RGS7: variants seen among roughly 807,000 people sequenced by gnomAD.
RGS7 encodes regulator of G-protein signaling 7.
RGS7 carries 27 observed loss-of-function variants against 81.1 expected under a neutral mutation model. The ratio of observed to expected loss-of-function variants is 0.33; its 90% confidence interval spans 0.25 to 0.46. The LOEUF (loss-of-function observed/expected upper bound fraction) is 0.46, where lower values mean the gene tolerates loss of function less well. RGS7 is among the 20% of genes least tolerant of loss of function. The pLI is 1.00. For missense variants in RGS7, 396 were observed against 607.4 expected (o/e 0.65, Z 3.66); for synonymous variants, 208 against 207.7 (o/e 1.00, Z -0.01).
intron 9 of RGS7, among the ~76,000 whole-genome samples, chr1:240,839,368 C>A (rs1489640811): frequency 6.6e-6 from 1 of 152,106 alleles, no homozygotes; most frequent in Non-Finnish European, 1.5e-5. Flanking sequence ...ACAGCTACTT[C>A]GGTTAAGACT....
chr1:241,184,896 C>T (rs1295086032), intron 2 of RGS7, among the ~76,000 whole-genome samples: 2 of 152,152 alleles, frequency 1.3e-5, no homozygotes, highest in Admixed American at 1.3e-4. Flanking sequence ...AATTAATCTA[C>T]TGAGGAAAAC....
chr1:241,350,015 G>T (rs913117371), intron 2 of RGS7, among the ~76,000 whole-genome samples: 2 of 152,086 alleles, frequency 1.3e-5, no homozygotes, highest in Non-Finnish European at 2.9e-5. Flanking sequence ...TGATCAATTA[G>T]ATTCAGGGAG....
At chr1:240,951,108 T>TG (rs1378363524) in intron 4 of RGS7, among the ~76,000 whole-genome samples, 4 of 152,090 alleles carry the variant, frequency 2.6e-5, no homozygotes, top group Admixed American at 6.6e-5. Context: ...TTTGCGGAGA[T>TG]GGGGTCTCAC....
intron 2 of RGS7, among the ~76,000 whole-genome samples, chr1:241,204,605 G>A (rs2073754469): frequency 6.6e-6 from 1 of 152,040 alleles, no homozygotes; most frequent in African/African-American, 2.4e-5. Context: ...ATTAAACTTA[G>A]AGAGTTCTCC....
intron 3 of RGS7, among the ~76,000 whole-genome samples, chr1:241,073,188 C>G (rs1219883911): frequency 6.6e-6 from 1 of 152,210 alleles, no homozygotes; most frequent in East Asian, 1.9e-4. Context: ...AAAAACCCCA[C>G]ATCTTTCATT....
At chr1:240,820,733 C>A (rs1691632499) in intron 10 of RGS7, among the ~76,000 whole-genome samples, 1 of 152,184 alleles carries the variant, frequency 6.6e-6, no homozygotes, top group Non-Finnish European at 1.5e-5. Context: ...GATATTAAAT[C>A]TGCTGGTGCC....
intron 2 of RGS7, among the ~76,000 whole-genome samples, chr1:241,161,424 TTAA>T (rs949821496): frequency 2.0e-4 from 30 of 150,926 alleles, no homozygotes; most frequent in Admixed American, 7.9e-4. Context: ...TAATAACACA[TTAA>T]TAATAATAAC....
intron 3 of RGS7, among the ~76,000 whole-genome samples, chr1:241,064,711 A>AT (rs957654027): frequency 4.6e-5 from 7 of 151,966 alleles, no homozygotes; most frequent in Non-Finnish European, 1.0e-4. Context: ...GTCGGGCAAC[A>AT]TAAGACCTCA....
intron 4 of RGS7, among the ~76,000 whole-genome samples, chr1:240,942,654 C>CA (rs1352579948): frequency 6.6e-6 from 1 of 151,872 alleles, no homozygotes; most frequent in Non-Finnish European, 1.5e-5. Flanking sequence ...ATTAAGGAAA[C>CA]AGAGATGCTA....
chr1:241,272,288 C>T (rs1054103774), intron 2 of RGS7, among the ~76,000 whole-genome samples: 9 of 152,042 alleles, frequency 5.9e-5, no homozygotes, highest in East Asian at 1.9e-4. Flanking sequence ...CCACTGTGCC[C>T]GGCCTGACTA....
intron 2 of RGS7, among the ~76,000 whole-genome samples, chr1:241,316,261 GT>G (rs1160704945): frequency 6.6e-6 from 1 of 152,198 alleles, no homozygotes; most frequent in Non-Finnish European, 1.5e-5. Flanking sequence ...GGTTTTGGGG[GT>G]TTGGGGAGAG....
intron 2 of RGS7, among the ~76,000 whole-genome samples, chr1:241,291,899 C>T (rs998769053): frequency 2.0e-5 from 3 of 152,154 alleles, no homozygotes; most frequent in South Asian, 2.1e-4. Flanking sequence ...TTAACCAAAG[C>T]ACTAGGAGCT....
At chr1:241,237,258 T>C (rs1181455284) in intron 2 of RGS7, among the ~76,000 whole-genome samples, 1 of 152,218 alleles carries the variant, frequency 6.6e-6, no homozygotes, top group Non-Finnish European at 1.5e-5. Flanking sequence ...AATTCAAAAC[T>C]AATTTGTTTT....
chr1:241,280,940 A>G (rs1312134371), intron 2 of RGS7, among the ~76,000 whole-genome samples: 1 of 152,210 alleles, frequency 6.6e-6, no homozygotes, highest in African/African-American at 2.4e-5. Flanking sequence ...AAGGTTTTTA[A>G]CTATTCAGGT....
At chr1:241,229,593 G>T (rs1212757078) in intron 2 of RGS7, among the ~76,000 whole-genome samples, 1 of 152,100 alleles carries the variant, frequency 6.6e-6, no homozygotes, top group South Asian at 2.1e-4. Context: ...ACAGAAATGG[G>T]GTTATACCAG....
intron 6 of RGS7, among the ~76,000 whole-genome samples, chr1:240,878,397 T>C (rs983002420): frequency 1.1e-4 from 16 of 152,282 alleles, no homozygotes; most frequent in African/African-American, 3.1e-4. Flanking sequence ...TGGCACATAG[T>C]AGATGCTCAA....
chr1:241,070,774 C>T (rs1430440644), intron 3 of RGS7, among the ~76,000 whole-genome samples: 1 of 45,414 alleles, frequency 2.2e-5, no homozygotes, highest in Non-Finnish European at 4.6e-5. Context: ...CAGAAGGCCA[C>T]GTTTGGGTAG....
At chr1:240,966,167 T>C (rs1682263222) in intron 4 of RGS7, among the ~76,000 whole-genome samples, 1 of 150,462 alleles carries the variant, frequency 6.6e-6, no homozygotes, top group East Asian at 1.9e-4. Flanking sequence ...CTAAACTATA[T>C]AAAAAAAAAG....
At chr1:240,920,360 T>C in intron 6 of RGS7, 4 of 1,536,254 alleles carry the variant, frequency 2.6e-6, no homozygotes, top group Middle Eastern at 2.3e-4. Context: ...GTGGTGGATA[T>C]GGTGGCAGTG....
Sources: allele counts gnomAD v4.1 joint callset (sites outside exome capture counted in the v4.1 genomes callset), GRCh38; gene constraint gnomAD v4.1.1; transcripts MANE v1.5; gene names NCBI Gene and HGNC (gene_info 2026-07-23, HGNC 2026-07-21).